Variants in PM20D2 observed in about 807,000 individuals in gnomAD.
The protein encoded by PM20D2 is xaa-Arg dipeptidase.
PM20D2 carries 33 observed loss-of-function variants against 42.9 expected under a neutral mutation model. The ratio of observed to expected loss-of-function variants is 0.77; its 90% CI spans 0.58 to 1.03. The LOEUF is 1.03. Ranked by LOEUF, PM20D2 falls within the 50% of genes least tolerant of loss-of-function variation. PM20D2 has a pLI of 0.00. For missense variants in PM20D2, 548 were observed against 557.0 expected (o/e 0.98, Z 0.16); for synonymous variants, 250 against 228.2 (o/e 1.10, Z -0.86).
At chr6:89,110,576 C>T in the PM20D2 span, among the ~76,000 whole-genome samples, 1 of 152,086 alleles carries the variant, frequency 6.6e-6, no homozygotes, top group East Asian at 1.9e-4. Flanking sequence ...ATCTGTAATA[C>T]AGTGCAAAGG....
Position 89,162,231 on chromosome 6 carries a change from C to G in PM20D2, c.1279C>G (p.Gln427Glu), listed in dbSNP as rs1453886762. ...GIREDFKLKL[Q>E]EEQFVNAVE The stretch of plus-strand genomic sequence containing the variant: ...CAGAGAGGACTTTAAACTGAAACTT[C>G]AAGAAGAACAGTTTGTAAATGCAGT... The change falls in exon 7 of 7, where the codon CAA (glutamine) becomes GAA (glutamate). Residue 427 changes from glutamine to glutamate, a missense_variant. Gln to Glu is a conservative substitution (Grantham distance 29). Transcript: ENST00000275072. The G allele has an allele frequency of 3.1e-6, 5 of 1,613,732 alleles. No individual in the cohort carries two copies. The highest frequency in any genetic ancestry group is 4.2e-6 in the Non-Finnish European group (5 of 1,179,898).
At chr6:89,094,827 A>G in the PM20D2 span, among the ~76,000 whole-genome samples, 2 of 146,842 alleles carry the variant, frequency 1.4e-5, no homozygotes, top group African/African-American at 2.5e-5. Context: ...TGGGGCAAAT[A>G]TATCATTTTA....
Position 89,148,795 on chromosome 6 carries a change from T to A in PM20D2, c.466-470T>A, listed in dbSNP as rs540750537. ...CTCAATTCCTCAAAAACACCCCCTGTAAAATGATGATAGAGATCACCCACC... is the reference window on the plus strand; with the variant it reads ...CTCAATTCCTCAAAAACACCCCCTGAAAAATGATGATAGAGATCACCCACC... On this transcript the variant is annotated intron_variant, in intron 1 of 6. Transcript: ENST00000275072. Among the ~76,000 whole-genome samples, 160 of 152,306 alleles carry A rather than the reference T, an allele frequency of 1.1e-3. 2 individuals are homozygous for A. The highest frequency in any genetic ancestry group is 3.4e-3 in the Middle Eastern group (1 of 294).
At chr6:89,150,123 G>A (rs1170187467) in intron 2 of PM20D2, among the ~76,000 whole-genome samples, 14 of 152,148 alleles carry the variant, frequency 9.2e-5, no homozygotes, top group Non-Finnish European at 2.1e-4. Flanking sequence ...GAAGTAGCTC[G>A]GTACTGAGGG....
the PM20D2 span, among the ~76,000 whole-genome samples, chr6:89,140,140 G>A: frequency 6.6e-6 from 1 of 152,012 alleles, no homozygotes; most frequent in Non-Finnish European, 1.5e-5. Flanking sequence ...TGGGGGGGTG[G>A]TCTCACCATG....
intron 2 of PM20D2, among the ~76,000 whole-genome samples, chr6:89,152,161 T>A (rs1770870455): frequency 6.6e-6 from 1 of 152,046 alleles, no homozygotes; most frequent in Non-Finnish European, 1.5e-5. Context: ...CAATACAGTA[T>A]CCTGAAATCT....
At chr6:89,150,180 T>C (rs955777481) in intron 2 of PM20D2, among the ~76,000 whole-genome samples, 1 of 152,160 alleles carries the variant, frequency 6.6e-6, no homozygotes, top group Non-Finnish European at 1.5e-5. Context: ...TGTACCCGGG[T>C]ATCCCACCTC....
chr6:89,162,352 T>C lies in PM20D2; in HGVS notation c.*89T>C. On this transcript the variant is annotated 3_prime_UTR_variant, in exon 7 of 7. Transcript: ENST00000275072. Reference sequence around the variant, plus strand: ...ATGAAGGCATGCTTGTTTTTTAATCTTAAAGGAGTAAAATTCTTTTTACCT... The same window carrying C: ...ATGAAGGCATGCTTGTTTTTTAATCCTAAAGGAGTAAAATTCTTTTTACCT... The C allele has an allele frequency of 2.3e-6, 3 of 1,300,576 alleles. No homozygotes were observed. The highest frequency in any genetic ancestry group is 2.1e-4 in the Middle Eastern group (1 of 4,696). 80.6% of individuals were successfully genotyped at this position (1,300,576 alleles called of 1,614,324 possible).
chr6:89,099,538 GT>G, the PM20D2 span, among the ~76,000 whole-genome samples: 9 of 126,200 alleles, frequency 7.1e-5, no homozygotes, highest in Admixed American at 1.6e-4. Context: ...ACACATACAT[GT>G]TTTTTTTTTT....
At chr6:89,095,141 A>G in the PM20D2 span, among the ~76,000 whole-genome samples, 2 of 152,212 alleles carry the variant, frequency 1.3e-5, no homozygotes, top group Non-Finnish European at 2.9e-5. Flanking sequence ...TGCATTAAGT[A>G]ACATATATCT....
chr6:89,162,238 A>G lies in PM20D2; in HGVS notation c.1286A>G (p.Glu429Gly). ...GACTTTAAACTGAAACTTCAAGAAGAACAGTTTGTAAATGCAGTAGAATAA... is the reference window on the plus strand; with the variant it reads ...GACTTTAAACTGAAACTTCAAGAAGGACAGTTTGTAAATGCAGTAGAATAA... ...REDFKLKLQE[E>G]QFVNAVE The change falls in exon 7 of 7, where the codon GAA (glutamate) becomes GGA (glycine). Residue 429 changes from glutamate to glycine, a missense_variant. Transcript: ENST00000275072. 6.2e-7 allele frequency: 1 copy of G among 1,613,842 alleles called. No homozygotes were observed. Among genetic ancestry groups the G allele is most frequent in the East Asian group, 2.2e-5 (1 of 44,890 alleles).
At chr6:89,156,762 T>C (rs766606253) in intron 4 of PM20D2, among the ~76,000 whole-genome samples, 23 of 152,146 alleles carry the variant, frequency 1.5e-4, no homozygotes, top group Non-Finnish European at 2.8e-4. Flanking sequence ...TGAAAGTTCT[T>C]AGGGAATATA....
chr6:89,097,067 A>C, the PM20D2 span: 1 of 152,198 alleles, frequency 6.6e-6, no homozygotes, highest in Non-Finnish European at 1.5e-5. Flanking sequence ...ACCAGCATAC[A>C]AATTATTGTT....
the PM20D2 span, among the ~76,000 whole-genome samples, chr6:89,094,418 C>T: frequency 6.6e-6 from 1 of 151,886 alleles, no homozygotes; most frequent in Non-Finnish European, 1.5e-5. Flanking sequence ...CGGGATTTCA[C>T]TATGTTGGCC....
rs1421358853 is a variant in PM20D2 at position 89,154,815 on chromosome 6, C to G, written c.825C>G (p.Phe275Leu). The G allele has an allele frequency of 6.2e-7, 1 of 1,608,734 alleles. No homozygotes were observed. Among genetic ancestry groups the G allele is most frequent in the African/African-American group, 1.3e-5 (1 of 74,610 alleles). The change falls in exon 4 of 7, where the codon TTC becomes TTG. Residue 275 changes from phenylalanine (F) to leucine (L), a missense_variant. By Grantham distance (22) the Phe-to-Leu change is conservative (BLOSUM62 0). Coordinates refer to ENST00000275072, the MANE Select transcript of PM20D2 (RefSeq NM_001010853.3). ...IPSYSELIYY[F>L]RAPSMKELQV... ...CTTATTCTGAATTAATCTATTACTT[C>G]CGTGCACCCTCAATGAAAGAACTTC...
the PM20D2 span, chr6:89,117,808 G>T: frequency 6.5e-7 from 1 of 1,548,176 alleles, no homozygotes; most frequent in Non-Finnish European, 8.7e-7. Flanking sequence ...CCAACCTGCA[G>T]CCGCGGCCGT....
Position 89,161,778 on chromosome 6 carries a change from C to G in PM20D2, c.1049-5C>G. ...TAGACTTTTCTTAACTTTGTGTGTT[C>G]CAAGGATCTACGGATTTTGGAAATG... On this transcript the variant is annotated splice_region_variant and splice_polypyrimidine_tract_variant and intron_variant, in intron 5 of 6. Transcript: ENST00000275072. 1 of 1,593,748 alleles carries G rather than the reference C, an allele frequency of 6.3e-7. No homozygotes were observed. The highest frequency in any genetic ancestry group is 8.6e-7 in the Non-Finnish European group (1 of 1,161,412).
chr6:89,113,482 T>C, the PM20D2 span, among the ~76,000 whole-genome samples: 8 of 152,162 alleles, frequency 5.3e-5, no homozygotes, highest in African/African-American at 1.9e-4. Context: ...CAATTTTTTC[T>C]ATTATTAGTA....
rs1202274519 is a variant in PM20D2, at chr6:89,149,306, C to T, written c.507C>T (p.Gly169=). The change falls in exon 2 of 7, where the codon GGC becomes GGT. Residue 169 remains glycine (G), a synonymous_variant. Coordinates refer to ENST00000275072, the MANE Select transcript of PM20D2 (RefSeq NM_001010853.3). ...LGTPAEEDGG[G]KIDLIEAGAF... ...CCCCTGCAGAAGAAGATGGTGGTGGCAAAATTGATTTAATTGAAGCAGGGG... is the reference window on the plus strand; with the variant it reads ...CCCCTGCAGAAGAAGATGGTGGTGGTAAAATTGATTTAATTGAAGCAGGGG... 3.1e-6 allele frequency: 5 copies of T among 1,613,812 alleles called. No individual in the cohort carries two copies. The highest frequency in any genetic ancestry group is 2.7e-5 in the African/African-American group (2 of 74,880).
Sources: gnomAD v4.1 joint callset for allele counts (sites outside exome capture counted in the v4.1 genomes callset) on GRCh38, gnomAD v4.1.1 for gene constraint, MANE v1.5 for transcripts, NCBI Gene and HGNC (gene_info 2026-07-23, HGNC 2026-07-21) for gene names.